The following SULT1C2 variants were observed in gnomAD, a reference collection of about 807,000 sequenced individuals.
SULT1C2 encodes the protein sulfotransferase family 1C member 2.
A neutral mutation model predicts 36.0 loss-of-function variants in SULT1C2; 27 were observed. That is an observed-to-expected ratio of 0.75 (90% confidence interval 0.55 to 1.03). The LOEUF is 1.03. Among genes scored for constraint, SULT1C2 ranks in the 50% least tolerant of loss-of-function variants. The pLI is 0.00. For missense variants in SULT1C2, 395 were observed against 359.2 expected, an observed-to-expected ratio of 1.10 and a Z score of -0.80; for synonymous variants, 121 against 116.0, an observed-to-expected ratio of 1.04 and a Z score of -0.27.
chr2:108,305,215 G>A lies in SULT1C2; in HGVS notation c.546G>A (p.Glu182=). Residue 182 remains glutamate (E), a synonymous_variant, in exon 6 of 8, where the codon GAG becomes GAA. Coordinates refer to ENST00000251481, the MANE Select transcript of SULT1C2 (RefSeq NM_001056.4). Reference sequence around the variant, plus strand: ...TTGACCACGTGAAAGGATGGTGGGAGATGAAAGACAGACACCAGATTCTCT... The same window carrying A: ...TTGACCACGTGAAAGGATGGTGGGAAATGAAAGACAGACACCAGATTCTCT... The part of the protein sequence containing the change: ...SWFDHVKGWW[E]MKDRHQILFL... 6.2e-7 allele frequency: 1 copy of A among 1,614,190 alleles called. No individual in the cohort carries two copies. The highest frequency in any genetic ancestry group is 1.3e-5 in the African/African-American group (1 of 75,052).
At position 108,308,647 on chromosome 2, in the gene SULT1C2, G is replaced by T. The variant is rs113833552; in HGVS notation, c.*183G>T. 5.6e-5 allele frequency: 29 copies of T among 522,370 alleles called. No individual in the cohort carries two copies. Among genetic ancestry groups the T allele is most frequent in the African/African-American group, 5.4e-4 (28 of 51,584 alleles). 32.4% of individuals were successfully genotyped at this position (522,370 alleles called of 1,614,324 possible). On this transcript the variant is annotated 3_prime_UTR_variant, in exon 8 of 8. Transcript: ENST00000251481. ...TTTTTTAAAAAGGATCACGTCTAATGCCCATTTTCCCAACTATTCTTTCCA... is the reference window on the plus strand; with the variant it reads ...TTTTTTAAAAAGGATCACGTCTAATTCCCATTTTCCCAACTATTCTTTCCA...
chr2:108,305,009 C>T (rs1282236193), intron 5 of SULT1C2, among the ~76,000 whole-genome samples, 163 bp from the exon 6 acceptor site: 2 of 151,050 alleles, frequency 1.3e-5, no homozygotes, highest in Non-Finnish European at 3.0e-5. Flanking sequence ...AAGGCTGTCC[C>T]CATCTACACC....
At position 108,293,783 on chromosome 2, in the gene SULT1C2, C is replaced by T. The variant is rs367558634; in HGVS notation, c.116C>T (p.Pro39Leu). 1.2e-6 allele frequency: 2 copies of T among 1,613,970 alleles called. No homozygotes were observed. The highest frequency in any genetic ancestry group is 1.3e-5 in the African/African-American group (1 of 74,920). Residue 39 changes from proline to leucine, a missense_variant, in exon 2 of 8, where the codon CCA becomes CTA. Pro to Leu is a moderately conservative substitution (Grantham distance 98). Transcript: ENST00000251481. ...CAGATCCAGAGCTTCGAGGCCAAAC[C>T]AGATGATCTCCTCATCTGCACCTAC... ...WSQIQSFEAK[P>L]DDLLICTYPK... is the part of the protein sequence containing the mutation.
At chr2:108,305,318 G>C (rs755123010) in intron 6 of SULT1C2, 52 bp downstream of exon 6, 8 of 1,611,010 alleles carry the variant, frequency 5.0e-6, no homozygotes, top group Non-Finnish European at 6.8e-6. Context: ...TTCAGGTGCA[G>C]AGAAATTCAA....
Position 108,305,222 on chromosome 2 carries a change from GA to G in SULT1C2, c.554del (p.Asp185AlafsTer13), listed in dbSNP as rs746053034. On this transcript the variant is annotated frameshift_variant, in exon 6 of 8. Coordinates refer to ENST00000251481, the MANE Select transcript of SULT1C2 (RefSeq NM_001056.4). LOFTEE classifies it high-confidence loss of function. ...DHVKGWWEMK[D>X]RHQILFLFYE... Reference sequence around the variant, plus strand: ...CGTGAAAGGATGGTGGGAGATGAAAGACAGACACCAGATTCTCTTCCTCTTC... The same window carrying G: ...CGTGAAAGGATGGTGGGAGATGAAAGCAGACACCAGATTCTCTTCCTCTTC... 5.0e-6 allele frequency: 8 copies of G among 1,614,176 alleles called. No individual in the cohort carries two copies. The South Asian group carries it at 7.7e-5, about 16-fold the overall frequency.
At position 108,309,695 on chromosome 2, in the gene SULT1C2, C is replaced by T. The variant is rs1677108589; in HGVS notation, c.*1231C>T. On this transcript the variant is annotated 3_prime_UTR_variant, in exon 8 of 8. Coordinates refer to ENST00000251481, the MANE Select transcript of SULT1C2 (RefSeq NM_001056.4). ...CTTAACTGACTGCTTTTTATTATTA[C>T]CATGCACTGGCAATTCCAAACAATG... 6.6e-6 allele frequency: 1 copy of T among 151,256 alleles called. No individual in the cohort carries two copies. The highest frequency in any genetic ancestry group is 1.5e-5 in the Non-Finnish European group (1 of 67,944). 9.4% of individuals were successfully genotyped at this position (151,256 alleles called of 1,614,324 possible). A position where few individuals can be genotyped will look rare whatever the true frequency, so the allele number is the denominator to read the frequency against.
At chr2:108,296,148 C>T (rs2104415204) in intron 3 of SULT1C2, among the ~76,000 whole-genome samples, 1 of 152,284 alleles carries the variant, frequency 6.6e-6, no homozygotes, top group East Asian at 1.9e-4. Context: ...CAGTGTCTTA[C>T]CTCTGGCAAT....
chr2:108,297,838 G>A (rs1254170551), intron 3 of SULT1C2, among the ~76,000 whole-genome samples: 2 of 152,128 alleles, frequency 1.3e-5, no homozygotes, highest in African/African-American at 4.8e-5. Context: ...TTTGGAGTTA[G>A]AGCTGGACTG....
rs182450267 is a variant in SULT1C2, at chr2:108,295,141, A to G, written c.277+787A>G. On this transcript the variant is annotated intron_variant, in intron 3 of 7. Transcript: ENST00000251481. ...GATAAATCCCTAAAAATGTCCTAAG[A>G]TAGAAATTCCCTGATCTGATGCATA... Among the ~76,000 whole-genome samples, 4 of 152,324 alleles carry G rather than the reference A, an allele frequency of 2.6e-5. No individual in the cohort carries two copies. The East Asian group carries it at 7.7e-4, about 29-fold the overall frequency.
chr2:108,301,719 G>A (rs1229435763), intron 4 of SULT1C2: 1 of 152,268 alleles, frequency 6.6e-6, no homozygotes, highest in African/African-American at 2.4e-5. Context: ...GCACCCCAGT[G>A]CCTAATAAGT....
intron 7 of SULT1C2, among the ~76,000 whole-genome samples, chr2:108,306,670 G>A (rs917687232): frequency 5.3e-5 from 8 of 152,018 alleles, no homozygotes; most frequent in Non-Finnish European, 1.2e-4. Context: ...CACTTTGGGA[G>A]GCCTAGGCAG....
chr2:108,294,281 G>A lies in SULT1C2; in HGVS notation c.204G>A (p.Val68=). The change falls in exon 3 of 8, where the codon GTG becomes GTA. Residue 68 remains valine (V), a synonymous_variant. Coordinates refer to ENST00000251481, the MANE Select transcript of SULT1C2 (RefSeq NM_001056.4). ...IVDMIEQNGD[V]EKCQRAIIQH... Reference sequence around the variant, plus strand: ...ATATGATTGAACAGAATGGGGACGTGGAGAAGTGCCAGCGAGCCATCATCC... The same window carrying A: ...ATATGATTGAACAGAATGGGGACGTAGAGAAGTGCCAGCGAGCCATCATCC... The A allele has an allele frequency of 6.2e-7, 1 of 1,614,098 alleles. No individual in the cohort carries two copies. The highest frequency in any genetic ancestry group is 8.5e-7 in the Non-Finnish European group (1 of 1,179,990).
At chr2:108,294,792 A>G (rs1244079709) in intron 3 of SULT1C2, among the ~76,000 whole-genome samples, 1 of 152,146 alleles carries the variant, frequency 6.6e-6, no homozygotes, top group Non-Finnish European at 1.5e-5. Context: ...ACACACACAC[A>G]CACACCCCAT....
At position 108,294,365 on chromosome 2, in the gene SULT1C2, CT is replaced by C. The variant is rs1676671190; in HGVS notation, c.277+12del. The C allele has an allele frequency of 6.2e-7, 1 of 1,608,982 alleles. No individual in the cohort carries two copies. Among genetic ancestry groups the C allele is most frequent in the Non-Finnish European group, 8.5e-7 (1 of 1,177,552 alleles). On this transcript the variant is annotated intron_variant, in intron 3 of 7. Coordinates refer to ENST00000251481, the MANE Select transcript of SULT1C2 (RefSeq NM_001056.4). ...CACCCCAACCTTCTGGTGAGAGCAC[CT>C]CCCTCTTTCTCTCTTCCTGCTTTCT...
intron 1 of SULT1C2, among the ~76,000 whole-genome samples, 160 bp from the exon 2 acceptor site, chr2:108,293,487 A>G (rs1466688395): frequency 6.6e-6 from 1 of 152,168 alleles, no homozygotes; most frequent in African/African-American, 2.4e-5. Flanking sequence ...TGGGATGATG[A>G]AAAAAATTCT....
At chr2:108,292,007 C>G (rs1676605077) in intron 1 of SULT1C2, among the ~76,000 whole-genome samples, 1 of 152,160 alleles carries the variant, frequency 6.6e-6, no homozygotes, top group Admixed American at 6.5e-5. Context: ...AATCTGGAAG[C>G]AGAAGCCACC....
chr2:108,300,997 A>G, intron 4 of SULT1C2, 62 bp downstream of exon 4: 1 of 1,601,300 alleles, frequency 6.2e-7, no homozygotes, highest in South Asian at 1.1e-5. Flanking sequence ...CGAGTCCTGC[A>G]GACCCCAACG....
intron 1 of SULT1C2, 126 bp from the exon 2 acceptor site, chr2:108,293,521 C>A: frequency 1.2e-6 from 1 of 852,796 alleles, no homozygotes; most frequent in Non-Finnish European, 1.7e-6. Flanking sequence ...ATAATGGTTG[C>A]ACAACAATGT....
At chr2:108,298,237 A>AT (rs1348505802) in intron 3 of SULT1C2, among the ~76,000 whole-genome samples, 1 of 151,952 alleles carries the variant, frequency 6.6e-6, no homozygotes, top group Non-Finnish European at 1.5e-5. Flanking sequence ...CTCTGCCACT[A>AT]TTTTTCTTTT....
Sources: allele counts gnomAD v4.1 joint callset (sites outside exome capture counted in the v4.1 genomes callset), GRCh38; gene constraint gnomAD v4.1.1; transcripts MANE v1.5; gene names NCBI Gene and HGNC (gene_info 2026-07-23, HGNC 2026-07-21).